SYT1: variants seen among roughly 807,000 people sequenced by gnomAD.
The protein encoded by SYT1 is synaptotagmin 1.
In SYT1, 8 loss-of-function variants were observed where a neutral mutation model predicts 44.8. The observed-to-expected ratio is 0.18, with a 90% CI of 0.10 to 0.32. SYT1 has a LOEUF of 0.32. SYT1 is among the 10% of genes least tolerant of loss of function. The pLI is 1.00. For missense variants in SYT1, 286 were observed against 509.3 expected (o/e 0.56, Z 4.22); for synonymous variants, 154 against 188.8 (o/e 0.82, Z 1.51).
chr12:79,418,319 C>T (rs1868884066), intron 9 of SYT1, among the ~76,000 whole-genome samples: 1 of 152,106 alleles, frequency 6.6e-6, no homozygotes, highest in African/African-American at 2.4e-5. Flanking sequence ...TAAAAATGTC[C>T]ACTGGATGGA....
chr12:79,060,017 C>T (rs1875257764), intron 3 of SYT1, among the ~76,000 whole-genome samples: 1 of 152,084 alleles, frequency 6.6e-6, no homozygotes, highest in Non-Finnish European at 1.5e-5. Context: ...CATGGGCTTA[C>T]ACTGAAATAA....
At chr12:79,148,343 T>C (rs959756372) in intron 3 of SYT1, among the ~76,000 whole-genome samples, 7 of 152,164 alleles carry the variant, frequency 4.6e-5, no homozygotes, top group African/African-American at 1.7e-4. Context: ...GGACAGACCA[T>C]GGAAATATTT....
intron 2 of SYT1, among the ~76,000 whole-genome samples, chr12:78,999,922 G>C (rs1870621134): frequency 6.6e-6 from 1 of 152,040 alleles, no homozygotes; most frequent in South Asian, 2.1e-4. Context: ...TATACAACTG[G>C]ATATTATTTC....
chr12:79,285,150 A>C (rs1879247064), intron 4 of SYT1, among the ~76,000 whole-genome samples: 1 of 152,220 alleles, frequency 6.6e-6, no homozygotes, highest in South Asian at 2.1e-4. Context: ...TTTTCAAATC[A>C]CCAAGTACTT....
intron 2 of SYT1, among the ~76,000 whole-genome samples, chr12:78,985,141 A>G (rs901027569): frequency 4.6e-5 from 7 of 151,728 alleles, no homozygotes; most frequent in Non-Finnish European, 8.8e-5. Flanking sequence ...TTTATTCTTG[A>G]TTTTTTTTAA....
In SYT1 at chr12:79,186,678, C is replaced by T. The variant is rs181666901; in HGVS notation, c.-17-30825C>T. Among the ~76,000 whole-genome samples the T allele has an allele frequency of 5.5e-3, 840 of 152,106 alleles. 7 individuals carry two copies. The highest frequency in any genetic ancestry group is 0.019 in the African/African-American group (794 of 41,534). On this transcript the variant is annotated intron_variant, in intron 3 of 10. Transcript: ENST00000261205. ...AAGTAGACTCCTGGCCCCCTGGTTTCCCACATCAAAGACTAGCTGCCAGAT... is the reference window on the plus strand; with the variant it reads ...AAGTAGACTCCTGGCCCCCTGGTTTTCCACATCAAAGACTAGCTGCCAGAT...
Position 78,954,209 on chromosome 12 carries a change from G to A in SYT1, c.-216-23590G>A, listed in dbSNP as rs188042697. Among the ~76,000 whole-genome samples, 4 of 152,156 alleles carry A rather than the reference G, an allele frequency of 2.6e-5. No homozygotes were observed. In the East Asian group the frequency reaches 7.7e-4, roughly 29 times the overall value. ...ACCTCCACCCACAGGGTTGACACAT[G>A]TTTTCTTTTTGGTATAGTTTTGTGT... On this transcript the variant is annotated intron_variant, in intron 1 of 10. Transcript: ENST00000261205.
Position 79,108,284 on chromosome 12 carries a change from A to G in SYT1, c.-18+60922A>G, listed in dbSNP as rs191058820. Among the ~76,000 whole-genome samples, 160 of 152,132 alleles carry G rather than the reference A, an allele frequency of 1.1e-3. 1 individual carries two copies. The highest frequency in any genetic ancestry group is 3.6e-3 in the African/African-American group (151 of 41,548). ...ATTTTTTTAAAAAGTTGTTAAAGCA[A>G]TAAAAGCTGAAAATCTAGGGAAATA... On this transcript the variant is annotated intron_variant, in intron 3 of 10. Transcript: ENST00000261205.
At chr12:79,291,683 C>G in intron 5 of SYT1, 1 of 438,440 alleles carries the variant, frequency 2.3e-6, no homozygotes, top group South Asian at 1.7e-5. Flanking sequence ...GTTTATCTTT[C>G]CTCTGAAAGC....
rs1871084486 is a variant in SYT1, at chr12:79,452,004, G to T, written c.*2880G>T. ...ATTCAATAAAAATGTTTTATTTCCTGTTGATGTTGCTGCGTTCCCACTCTT... is the reference window on the plus strand; with the variant it reads ...ATTCAATAAAAATGTTTTATTTCCTTTTGATGTTGCTGCGTTCCCACTCTT... On this transcript the variant is annotated 3_prime_UTR_variant, in exon 11 of 11. Coordinates refer to ENST00000261205, the MANE Select transcript of SYT1 (RefSeq NM_005639.3). 6.6e-6 allele frequency: 1 copy of T among 152,090 alleles called. No individual in the cohort carries two copies. 9.4% of individuals were successfully genotyped at this position (152,090 alleles called of 1,614,324 possible).
At chr12:79,075,839 A>T (rs1347746468) in intron 3 of SYT1, among the ~76,000 whole-genome samples, 1 of 152,112 alleles carries the variant, frequency 6.6e-6, no homozygotes, top group South Asian at 2.1e-4. Flanking sequence ...TGAAAACCCC[A>T]AGAAAAGAAA....
At chr12:79,068,380 C>T (rs73353540) in intron 3 of SYT1, among the ~76,000 whole-genome samples, 45 of 152,028 alleles carry the variant, frequency 3.0e-4, no homozygotes, top group Admixed American at 1.1e-3. Flanking sequence ...TACTTGAAAA[C>T]GGTATCAATT....
At chr12:78,897,931 C>T (rs17045886) in intron 1 of SYT1, among the ~76,000 whole-genome samples, 12,524 of 151,956 alleles carry the variant, frequency 0.082, 610 homozygotes, top group African/African-American at 0.13. Flanking sequence ...TAAGGGCCAC[C>T]CAGAGCTTGG....
At chr12:79,018,784 C>T (rs1871982010) in intron 2 of SYT1, among the ~76,000 whole-genome samples, 1 of 151,956 alleles carries the variant, frequency 6.6e-6, no homozygotes. Context: ...AAAGAGTTTC[C>T]TTCTAATAAT....
chr12:79,405,357 T>C (rs1248652020), intron 9 of SYT1, among the ~76,000 whole-genome samples: 1 of 152,144 alleles, frequency 6.6e-6, no homozygotes, highest in Non-Finnish European at 1.5e-5. Context: ...TTCTTGCAGA[T>C]TTTTCAATGA....
intron 9 of SYT1, among the ~76,000 whole-genome samples, chr12:79,371,439 A>T (rs1883785346): frequency 1.3e-5 from 2 of 152,230 alleles, no homozygotes. Flanking sequence ...ACGCTATCCA[A>T]CTGTGCCTGC....
chr12:79,211,395 A>T (rs913685346), intron 3 of SYT1, among the ~76,000 whole-genome samples: 4 of 152,150 alleles, frequency 2.6e-5, no homozygotes, highest in African/African-American at 7.2e-5. Context: ...TCCATTTAAG[A>T]TTAATTTTTT....
intron 8 of SYT1, among the ~76,000 whole-genome samples, chr12:79,317,462 A>G (rs1881146215): frequency 6.6e-6 from 1 of 152,206 alleles, no homozygotes; most frequent in Admixed American, 6.5e-5. Flanking sequence ...GATTGTGAAC[A>G]AGAGATGGCA....
Position 79,355,901 on chromosome 12 carries a change from A to G in SYT1, c.928+2282A>G, listed in dbSNP as rs142650119. Among the ~76,000 whole-genome samples, 36 of 152,256 alleles carry G rather than the reference A, an allele frequency of 2.4e-4. 1 individual carries two copies. The highest frequency in any genetic ancestry group is 1.7e-3 in the Admixed American group (26 of 15,292). ...AGTGCAAAAGACCCTCCCCTCCTGC[A>G]GCTTGCATTCTAATGTAGGGAAACA... is the stretch of plus-strand genomic sequence containing the variant. On this transcript the variant is annotated intron_variant, in intron 9 of 10. Transcript: ENST00000261205.
Sources: gnomAD v4.1 joint callset for allele counts (sites outside exome capture counted in the v4.1 genomes callset) on GRCh38, gnomAD v4.1.1 for gene constraint, MANE v1.5 for transcripts, NCBI Gene and HGNC (gene_info 2026-07-23, HGNC 2026-07-21) for gene names.